ACBD4: variants seen among roughly 807,000 people sequenced by gnomAD.
ACBD4 encodes the protein acyl-CoA-binding domain-containing protein 4.
ACBD4 carries 41 observed loss-of-function variants against 46.0 expected under a neutral mutation model. That is an observed-to-expected ratio of 0.89 (90% confidence interval 0.69 to 1.16). The LOEUF (loss-of-function observed/expected upper bound fraction) is 1.16. Ranked by LOEUF, ACBD4 falls within the 50% of genes most tolerant of loss-of-function variation. The probability of loss-of-function intolerance (pLI) is 0.00; values close to 1 mark genes in which losing one functional copy is unlikely to be tolerated. For missense variants in ACBD4, 393 were observed against 399.5 expected, an observed-to-expected ratio of 0.98 and a Z score of 0.14; for synonymous variants, 162 against 155.9, an observed-to-expected ratio of 1.04 and a Z score of -0.29.
upstream of ACBD4, chr17:45,132,107 G>C: frequency 1.1e-6 from 1 of 944,530 alleles, no homozygotes; most frequent in Non-Finnish European, 1.4e-6. The surrounding 1 kb of genome is among the most constrained non-coding windows in gnomAD (Gnocchi z 4.6). Context: ...CCCAGCTGGA[G>C]GGAGCTGGCC....
chr17:45,137,722 C>A, intron 6 of ACBD4, 38 bp from the exon 7 acceptor site: 1 of 1,611,044 alleles, frequency 6.2e-7, no homozygotes, highest in Non-Finnish European at 8.5e-7. Flanking sequence ...CCCTCCACAG[C>A]TTCCCTCTGG....
chr17:45,142,341 C>T (rs1421514025), intron 9 of ACBD4, among the ~76,000 whole-genome samples: 6 of 123,004 alleles, frequency 4.9e-5, no homozygotes, highest in Admixed American at 2.1e-4. Context: ...TGCACTGAGC[C>T]GAGATCACGC....
chr17:45,135,655 T>G (rs1309719404), upstream of ACBD4: 1 of 156,090 alleles, frequency 6.4e-6, no homozygotes, highest in Non-Finnish European at 1.4e-5. Flanking sequence ...TCGATCTGCG[T>G]CGCCATCCCG....
intron 6 of ACBD4, 67 bp downstream of exon 6, chr17:45,137,521 G>T (rs2054936929): frequency 6.4e-7 from 1 of 1,557,906 alleles, no homozygotes; most frequent in Admixed American, 1.7e-5. Context: ...GAGAAGGCTG[G>T]ATGCCACGCT....
intron 9 of ACBD4, 58 bp downstream of exon 9, chr17:45,139,218 C>T: frequency 9.5e-6 from 15 of 1,585,340 alleles, no homozygotes; most frequent in Non-Finnish European, 1.3e-5. Context: ...TTATTCTGGG[C>T]TCCTCTTCCA....
upstream of ACBD4, chr17:45,133,078 CT>C (rs2054539396): frequency 6.6e-6 from 1 of 152,408 alleles, no homozygotes; most frequent in African/African-American, 2.4e-5. Context: ...GCTGACGGAC[CT>C]GGGGAGCGTG....
At chr17:45,143,251 T>C (rs2055405337) in intron 9 of ACBD4, among the ~76,000 whole-genome samples, 192 bp from the exon 10 acceptor site, 1 of 152,202 alleles carries the variant, frequency 6.6e-6, no homozygotes, top group South Asian at 2.1e-4. Context: ...GATACTGGGA[T>C]TGCCCTGGGG....
chr17:45,138,968 C>T, intron 8 of ACBD4, 53 bp from the exon 9 acceptor site: 1 of 1,601,806 alleles, frequency 6.2e-7, no homozygotes, highest in Non-Finnish European at 8.5e-7. Flanking sequence ...CCCACCCTGC[C>T]CAGAGCTGAA....
At chr17:45,136,325 C>T (rs1210258623) in intron 2 of ACBD4, 93 bp downstream of exon 2, 1 of 1,551,890 alleles carries the variant, frequency 6.4e-7, no homozygotes, top group Non-Finnish European at 8.9e-7. Flanking sequence ...GCAGTTTTTG[C>T]AGACAAGCCC....
chr17:45,141,745 A>C (rs2055284721), intron 9 of ACBD4, among the ~76,000 whole-genome samples: 1 of 152,192 alleles, frequency 6.6e-6, no homozygotes, highest in Non-Finnish European at 1.5e-5. Flanking sequence ...GACACATGCT[A>C]TCTGGATGTC....
chr17:45,135,144 T>G (rs146787098), upstream of ACBD4, among the ~76,000 whole-genome samples: 1 of 152,222 alleles, frequency 6.6e-6, no homozygotes, highest in African/African-American at 2.4e-5. Flanking sequence ...TTGTGTATTT[T>G]TAGTAGAGAT....
intron 9 of ACBD4, among the ~76,000 whole-genome samples, chr17:45,143,206 C>T (rs189058142): frequency 5.3e-5 from 8 of 152,298 alleles, no homozygotes; most frequent in Non-Finnish European, 1.0e-4. Context: ...GCATGGAAGC[C>T]GCTCCCTCTA....
rs201542915 is a variant in ACBD4 at position 45,140,169 on chromosome 17, G to GTT, written c.789+1021_789+1022dup. On this transcript the variant is annotated intron_variant, in intron 9 of 9. Transcript: ENST00000321854. ...AACAGGGCTTTCTTTCTTTTCTTCT[G>GTT]TTTTTTTTTTTTTCTTTTTGTTTTT... Among the ~76,000 whole-genome samples, 34 of 143,014 alleles carry GTT rather than the reference G, an allele frequency of 2.4e-4. 2 individuals are homozygous for GTT. The highest frequency in any genetic ancestry group is 4.5e-4 in the South Asian group (2 of 4,492). 93.8% of individuals were successfully genotyped at this position (143,014 alleles called of 152,430 possible).
At chr17:45,133,740 C>CCGGGATGGT (rs1359628093), upstream of ACBD4, among the ~76,000 whole-genome samples, 5 of 151,454 alleles carry the variant, frequency 3.3e-5, no homozygotes, top group Non-Finnish European at 7.4e-5. Context: ...ACCGTTTTAG[C>CCGGGATGGT]CGGGATGGTC....
chr17:45,138,832 G>A lies in ACBD4; in HGVS notation c.650-189G>A, dbSNP rs1029602962. On this transcript the variant is annotated intron_variant, in intron 8 of 9. Transcript: ENST00000321854. Reference sequence around the variant, plus strand: ...TAATGACTTGATCTGTGTCATAAGCGGCCATGCTGGGATTAAACCCATAGC... The same window carrying A: ...TAATGACTTGATCTGTGTCATAAGCAGCCATGCTGGGATTAAACCCATAGC... 4.6e-5 allele frequency among the ~76,000 whole-genome samples: 7 copies of A among 151,760 alleles called. No homozygotes were observed. In the South Asian group the frequency reaches 8.3e-4, roughly 18 times the overall value.
At chr17:45,138,953 C>T in intron 8 of ACBD4, 68 bp from the exon 9 acceptor site, 1 of 1,559,210 alleles carries the variant, frequency 6.4e-7, no homozygotes, top group Non-Finnish European at 8.7e-7. Context: ...TTGCCCCAGC[C>T]TGCCCCCACC....
At chr17:45,143,337 C>T in intron 9 of ACBD4, 106 bp from the exon 10 acceptor site, 1 of 1,010,584 alleles carries the variant, frequency 9.9e-7, no homozygotes. Context: ...GTGGTGCAGA[C>T]TTAGGGGCAG....
At chr17:45,132,638 C>G (rs2054491329), upstream of ACBD4, 1 of 259,294 alleles carries the variant, frequency 3.9e-6, no homozygotes, top group Non-Finnish European at 7.2e-6. The surrounding 1 kb of genome is among the most constrained non-coding windows in gnomAD (Gnocchi z 4.6). Context: ...CCTGGAAGCC[C>G]GGAGCCTCAG....
chr17:45,132,226 C>CTTG, upstream of ACBD4: 1 of 1,259,292 alleles, frequency 7.9e-7, no homozygotes, highest in Non-Finnish European at 1.0e-6. This position sits in a 1 kb window ranked among gnomAD's most constrained non-coding sequence, Gnocchi z 4.6. Flanking sequence ...GCCCACCCCA[C>CTTG]CGCCCCTTGC....
Sources: gnomAD v4.1 joint callset for allele counts (sites outside exome capture counted in the v4.1 genomes callset) on GRCh38, gnomAD v4.1.1 for gene constraint, Gnocchi (gnomAD v3.1) non-coding constraint, MANE v1.5 for transcripts, NCBI Gene and HGNC (gene_info 2026-07-23, HGNC 2026-07-21) for gene names.